NEK11: variants seen among roughly 807,000 people sequenced by gnomAD.
The protein encoded by NEK11 is serine/threonine-protein kinase Nek11.
NEK11 carries 72 observed loss-of-function variants against 80.7 expected under a neutral mutation model. The observed-to-expected ratio is 0.89, with a 90% confidence interval of 0.74 to 1.08. The LOEUF is 1.08. Ranked by LOEUF, NEK11 falls within the 50% of genes least tolerant of loss-of-function variation. The probability of loss-of-function intolerance (pLI) is 0.00; values close to 1 mark genes in which losing one functional copy is unlikely to be tolerated. For synonymous variants in NEK11, 251 were observed against 260.7 expected (o/e 0.96, Z 0.36); for missense variants, 764 against 763.6 (o/e 1.00, Z -0.01).
At chr3:131,074,188 G>A (rs1199315275) in intron 3 of NEK11, among the ~76,000 whole-genome samples, 1 of 152,050 alleles carries the variant, frequency 6.6e-6, no homozygotes, top group Non-Finnish European at 1.5e-5. Context: ...CTCAGGGTTC[G>A]CCTTCTAGGG....
chr3:131,333,136 A>G (rs1000747816), intron 17 of NEK11, among the ~76,000 whole-genome samples: 11 of 152,042 alleles, frequency 7.2e-5, no homozygotes, highest in South Asian at 2.1e-4. Flanking sequence ...GATACTCCTC[A>G]AGAAGAGCAA....
intron 17 of NEK11, among the ~76,000 whole-genome samples, chr3:131,293,851 AT>A (rs1355667102): frequency 6.6e-6 from 1 of 152,052 alleles, no homozygotes; most frequent in Non-Finnish European, 1.5e-5. Context: ...AAGTTATCAA[AT>A]TTGTGGACAT....
chr3:131,334,209 T>C (rs544763639), intron 17 of NEK11, among the ~76,000 whole-genome samples: 2 of 152,258 alleles, frequency 1.3e-5, no homozygotes, highest in East Asian at 1.9e-4. Flanking sequence ...ATTGACCACA[T>C]AGTTGGAAGT....
intron 14 of NEK11, among the ~76,000 whole-genome samples, chr3:131,192,517 C>T (rs1332947519): frequency 1.3e-5 from 2 of 152,016 alleles, no homozygotes; most frequent in Non-Finnish European, 2.9e-5. Context: ...TCACCATAGC[C>T]AAAAGGTGAA....
At chr3:131,239,466 AAAGC>A (rs1346591746) in intron 15 of NEK11, among the ~76,000 whole-genome samples, 2 of 152,208 alleles carry the variant, frequency 1.3e-5, no homozygotes, top group African/African-American at 4.8e-5. Context: ...GCATGAAAGC[AAAGC>A]ATGCATGCAT....
chr3:131,034,022 C>T (rs1035597167), intron 3 of NEK11, among the ~76,000 whole-genome samples: 1 of 152,036 alleles, frequency 6.6e-6, no homozygotes, highest in Non-Finnish European at 1.5e-5. Flanking sequence ...TGTCATAGTC[C>T]TAAAAAGATT....
In NEK11 at chr3:131,133,933, C is replaced by T; in HGVS notation, c.624C>T (p.Gly208=). The part of the protein sequence containing the change: ...YMSPEALKHQ[G]YDTKSDIWSL... ...GTCCTGAGGCTCTGAAACACCAAGG[C>T]TATGACACAAAGTCGGACATCTGGT... The change falls in exon 7 of 18, where the codon GGC becomes GGT. Residue 208 remains glycine (G), a synonymous_variant. Transcript: ENST00000383366. The T allele has an allele frequency of 6.2e-7, 1 of 1,610,908 alleles. No homozygotes were observed. The highest frequency in any genetic ancestry group is 8.5e-7 in the Non-Finnish European group (1 of 1,178,176).
intron 13 of NEK11, 110 bp from the exon 14 acceptor site, chr3:131,170,663 T>C: frequency 1.4e-6 from 1 of 731,842 alleles, no homozygotes; most frequent in Non-Finnish European, 2.4e-6. Context: ...GGGAGAGGAT[T>C]AGGTAGGCTT....
intron 10 of NEK11, among the ~76,000 whole-genome samples, chr3:131,155,360 T>G (rs1441208369): frequency 6.6e-6 from 1 of 152,198 alleles, no homozygotes; most frequent in African/African-American, 2.4e-5. Flanking sequence ...GCAGGGTAGC[T>G]CTGCAGTTGC....
intron 16 of NEK11, among the ~76,000 whole-genome samples, chr3:131,271,961 A>C (rs1031237167): frequency 6.7e-6 from 1 of 148,234 alleles, no homozygotes; most frequent in African/African-American, 2.5e-5. Context: ...TTAGCCAGGC[A>C]TGGTGGCGCA....
chr3:131,034,439 A>G (rs2065321496), intron 3 of NEK11, among the ~76,000 whole-genome samples: 1 of 152,016 alleles, frequency 6.6e-6, no homozygotes, highest in Non-Finnish European at 1.5e-5. Flanking sequence ...TCGATTTGTC[A>G]CCCAGGCTGG....
intron 17 of NEK11, among the ~76,000 whole-genome samples, chr3:131,304,344 T>C (rs375204375): frequency 1.3e-5 from 2 of 152,206 alleles, no homozygotes; most frequent in East Asian, 3.8e-4. Context: ...TTGGATTGGG[T>C]TTTGACTTTC....
chr3:131,308,881 T>C (rs2096749127), intron 17 of NEK11, among the ~76,000 whole-genome samples: 1 of 152,166 alleles, frequency 6.6e-6, no homozygotes, highest in Non-Finnish European at 1.5e-5. Flanking sequence ...CAGGATGAAA[T>C]TGTTCTATCT....
Position 131,281,236 on chromosome 3 carries a change from C to A in NEK11, c.1718+7662C>A, listed in dbSNP as rs1012449717. ...TATTAAAAGCCATATTTAATGAAGA[C>A]TAGCTTCTATCCTTGATCCCTTGCC... On this transcript the variant is annotated intron_variant, in intron 17 of 17. Transcript: ENST00000383366. Among the ~76,000 whole-genome samples the A allele has an allele frequency of 2.0e-5, 3 of 152,196 alleles. No homozygotes were observed. The South Asian group carries it at 6.2e-4, about 31-fold the overall frequency.
intron 12 of NEK11, among the ~76,000 whole-genome samples, chr3:131,166,043 G>A (rs1030974011): frequency 1.2e-4 from 19 of 152,008 alleles, no homozygotes; most frequent in African/African-American, 4.1e-4. Context: ...TCATGTCCTC[G>A]GCATTCCAAA....
chr3:131,230,058 T>C (rs889159541), intron 15 of NEK11, among the ~76,000 whole-genome samples: 13 of 152,186 alleles, frequency 8.5e-5, no homozygotes, highest in African/African-American at 2.9e-4. Context: ...TTACAGAGCC[T>C]TCATTCTGGG....
intron 17 of NEK11, among the ~76,000 whole-genome samples, chr3:131,296,471 C>T (rs953575116): frequency 6.6e-6 from 1 of 152,106 alleles, no homozygotes; most frequent in Non-Finnish European, 1.5e-5. Context: ...CTTCATTTAA[C>T]ATTTCTTGCA....
intron 14 of NEK11, among the ~76,000 whole-genome samples, chr3:131,214,383 AAC>A (rs2094742770): frequency 6.6e-6 from 1 of 152,078 alleles, no homozygotes; most frequent in Non-Finnish European, 1.5e-5. Flanking sequence ...TCTGCCTCCA[AAC>A]ACAGCACATC....
chr3:131,345,970 A>T (rs1034225621), intron 17 of NEK11, among the ~76,000 whole-genome samples: 9 of 147,300 alleles, frequency 6.1e-5, no homozygotes, highest in East Asian at 2.0e-4. Flanking sequence ...TGGAATATTT[A>T]AAAAAAAAAA....
Sources: allele counts gnomAD v4.1 joint callset (sites outside exome capture counted in the v4.1 genomes callset), GRCh38; gene constraint gnomAD v4.1.1; transcripts MANE v1.5; gene names NCBI Gene and HGNC (gene_info 2026-07-23, HGNC 2026-07-21).